ADGRB3: variants seen among roughly 807,000 people sequenced by gnomAD.
The protein encoded by ADGRB3 is adhesion G protein-coupled receptor B3.
ADGRB3 carries 37 observed loss-of-function variants against 193.4 expected under a neutral mutation model. The observed-to-expected ratio is 0.19, with a 90% CI of 0.15 to 0.25. The LOEUF is 0.25. Among genes scored for constraint, ADGRB3 ranks in the 10% least tolerant of loss-of-function variants. The pLI is 1.00. For synonymous variants in ADGRB3, 690 were observed against 644.2 expected (o/e 1.07, Z -1.08); for missense variants, 1,637 against 1,852.9 (o/e 0.88, Z 2.14).
At chr6:68,931,241 T>G (rs936140798) in intron 4 of ADGRB3, among the ~76,000 whole-genome samples, 2 of 151,988 alleles carry the variant, frequency 1.3e-5, no homozygotes, top group Admixed American at 6.6e-5. Context: ...AATACCAACC[T>G]AAACTGACTT....
chr6:69,172,287 A>G (rs944599017), intron 17 of ADGRB3, among the ~76,000 whole-genome samples: 3 of 152,136 alleles, frequency 2.0e-5, no homozygotes, highest in African/African-American at 7.2e-5. Flanking sequence ...AGCAATGACC[A>G]ATACAGACGA....
intron 3 of ADGRB3, among the ~76,000 whole-genome samples, chr6:68,649,239 A>G (rs1277489625): frequency 6.6e-6 from 1 of 152,186 alleles, no homozygotes; most frequent in Non-Finnish European, 1.5e-5. Context: ...AACACTATTT[A>G]GTCCAAATCT....
At chr6:69,345,981 A>T (rs568086180) in intron 26 of ADGRB3, among the ~76,000 whole-genome samples, 1 of 152,372 alleles carries the variant, frequency 6.6e-6, no homozygotes, top group East Asian at 1.9e-4. Context: ...AGAGAGCCAA[A>T]TTATGAGTGA....
chr6:68,637,518 A>G lies in ADGRB3; in HGVS notation c.-60A>G, dbSNP rs1767985108. On this transcript the variant is annotated 5_prime_UTR_variant, in exon 2 of 32. Coordinates refer to ENST00000370598, the MANE Select transcript of ADGRB3 (RefSeq NM_001704.3). ...CTAAGAAATAACTTCTTAAAGGTTA[A>G]AGCTGAAAAATATTCAAGTTATTTT... is the stretch of plus-strand genomic sequence containing the variant. The G allele has an allele frequency of 6.6e-6, 1 of 152,662 alleles. No individual in the cohort carries two copies. The highest frequency in any genetic ancestry group is 2.4e-5 in the African/African-American group (1 of 41,470). 9.5% of individuals were successfully genotyped at this position (152,662 alleles called of 1,614,324 possible). A position where few individuals can be genotyped will look rare whatever the true frequency, so the allele number is the denominator to read the frequency against.
chr6:69,184,435 ATAACT>A (rs911187185), intron 17 of ADGRB3, among the ~76,000 whole-genome samples: 55 of 152,132 alleles, frequency 3.6e-4, no homozygotes, highest in Non-Finnish European at 2.4e-4. Flanking sequence ...GAAACAAAAA[ATAACT>A]TAAAAGAAAA....
chr6:69,112,410 CT>C (rs1347153859), intron 17 of ADGRB3, among the ~76,000 whole-genome samples: 3 of 152,110 alleles, frequency 2.0e-5, no homozygotes, highest in Admixed American at 2.0e-4. Context: ...TATGACTCAC[CT>C]GGTTGCAATA....
intron 8 of ADGRB3, among the ~76,000 whole-genome samples, chr6:68,966,507 T>G (rs1468284935): frequency 6.6e-6 from 1 of 152,188 alleles, no homozygotes; most frequent in African/African-American, 2.4e-5. Flanking sequence ...TTCCCAGTTC[T>G]CTTTGCTCCC....
intron 3 of ADGRB3, among the ~76,000 whole-genome samples, chr6:68,739,813 A>G (rs1174809692): frequency 1.3e-5 from 2 of 152,218 alleles, no homozygotes; most frequent in Non-Finnish European, 2.9e-5. Flanking sequence ...AAGCCATCAC[A>G]TAGTTAGCTG....
chr6:68,794,219 A>G (rs1582207541), intron 3 of ADGRB3, among the ~76,000 whole-genome samples: 1 of 152,218 alleles, frequency 6.6e-6, no homozygotes, highest in East Asian at 1.9e-4. Context: ...AATGATACAA[A>G]GCTATAGCCA....
intron 17 of ADGRB3, among the ~76,000 whole-genome samples, chr6:69,200,986 A>T (rs1765407340): frequency 6.6e-6 from 1 of 152,124 alleles, no homozygotes; most frequent in Non-Finnish European, 1.5e-5. Flanking sequence ...TAAGCAACAT[A>T]AGATGACAGA....
chr6:69,021,216 A>G (rs901725721), intron 13 of ADGRB3, among the ~76,000 whole-genome samples: 1 of 151,954 alleles, frequency 6.6e-6, no homozygotes, highest in African/African-American at 2.4e-5. Context: ...AATGTGTTGG[A>G]TTAAGACTAC....
chr6:68,731,786 G>T (rs1013344351), intron 3 of ADGRB3, among the ~76,000 whole-genome samples: 1 of 151,436 alleles, frequency 6.6e-6, no homozygotes, highest in Non-Finnish European at 1.5e-5. Flanking sequence ...GATATATTTA[G>T]ATATTAGTGA....
intron 17 of ADGRB3, among the ~76,000 whole-genome samples, chr6:69,136,478 C>T (rs1405742497): frequency 6.6e-6 from 1 of 152,144 alleles, no homozygotes; most frequent in Non-Finnish European, 1.5e-5. Context: ...CAGAAACATA[C>T]ATCCTACTAC....
intron 3 of ADGRB3, among the ~76,000 whole-genome samples, chr6:68,765,450 CTTT>C (rs1766490585): frequency 6.6e-6 from 1 of 151,354 alleles, no homozygotes; most frequent in African/African-American, 2.4e-5. Context: ...ATTTTCTGTT[CTTT>C]ATGTGATGAA....
intron 17 of ADGRB3, chr6:69,232,919 A>C: frequency 2.1e-6 from 1 of 480,868 alleles, no homozygotes; most frequent in Non-Finnish European, 3.7e-6. Flanking sequence ...GCCTCTTTAC[A>C]CCCTGAGTAT....
chr6:69,160,420 A>G (rs1053597461), intron 17 of ADGRB3, among the ~76,000 whole-genome samples: 5 of 152,062 alleles, frequency 3.3e-5, no homozygotes, highest in African/African-American at 1.2e-4. Flanking sequence ...CAGGACCTTC[A>G]CACTTGCTCA....
chr6:69,030,956 T>TTTTTCTTTTCTTTTC lies in ADGRB3; in HGVS notation c.2107+12481_2107+12495dup, dbSNP rs367785089. Among the ~76,000 whole-genome samples the TTTTTCTTTTCTTTTC allele has an allele frequency of 1.9e-4, 14 of 72,372 alleles. 5 individuals are homozygous for TTTTTCTTTTCTTTTC. Among genetic ancestry groups the TTTTTCTTTTCTTTTC allele is most frequent in the Non-Finnish European group, 2.7e-4 (9 of 33,094 alleles). 47.5% of individuals were successfully genotyped at this position (72,372 alleles called of 152,430 possible). ...GGTTTTAATTTTCTTTTCTTTTCTT[T>TTTTTCTTTTCTTTTC]TTTTCTTTTCTTTTCTTTTCTTTTC... On this transcript the variant is annotated intron_variant, in intron 13 of 31. Transcript: ENST00000370598.
intron 3 of ADGRB3, among the ~76,000 whole-genome samples, chr6:68,686,425 G>A (rs1226855097): frequency 6.6e-6 from 1 of 152,088 alleles, no homozygotes; most frequent in Non-Finnish European, 1.5e-5. Flanking sequence ...GGTGGCCATT[G>A]CTTTGATTGT....
chr6:68,855,558 A>T (rs1480956878), intron 3 of ADGRB3, among the ~76,000 whole-genome samples: 2 of 152,036 alleles, frequency 1.3e-5, no homozygotes, highest in Admixed American at 6.5e-5. Flanking sequence ...CTTTGATATT[A>T]TTAAATATTT....
Sources: allele counts gnomAD v4.1 joint callset (sites outside exome capture counted in the v4.1 genomes callset), GRCh38; gene constraint gnomAD v4.1.1; transcripts MANE v1.5; gene names NCBI Gene and HGNC (gene_info 2026-07-23, HGNC 2026-07-21).